NKAIN2: variants seen among roughly 807,000 people sequenced by gnomAD.
The protein encoded by NKAIN2 is sodium/potassium-transporting ATPase subunit beta-1-interacting protein 2.
Under a neutral mutation model 32.6 loss-of-function variants are expected in NKAIN2, and 14 were observed. The observed-to-expected ratio is 0.43, with a 90% confidence interval of 0.28 to 0.67. The LOEUF (loss-of-function observed/expected upper bound fraction) is 0.67, where lower values mean the gene tolerates loss of function less well. Ranked by LOEUF, NKAIN2 falls within the 30% of genes least tolerant of loss-of-function variation. The pLI is 0.17. For missense variants in NKAIN2, 198 were observed against 258.3 expected, an observed-to-expected ratio of 0.77 and a Z score of 1.60; for synonymous variants, 80 against 87.2, an observed-to-expected ratio of 0.92 and a Z score of 0.46.
At chr6:124,276,223 A>G (rs1040336867) in intron 1 of NKAIN2, among the ~76,000 whole-genome samples, 44 of 151,778 alleles carry the variant, frequency 2.9e-4, no homozygotes, top group African/African-American at 9.7e-4. Context: ...GACAATTCTT[A>G]GTTCTACTAA....
chr6:124,761,176 C>T (rs1778246307), intron 4 of NKAIN2, among the ~76,000 whole-genome samples: 1 of 152,012 alleles, frequency 6.6e-6, no homozygotes, highest in Non-Finnish European at 1.5e-5. Flanking sequence ...TTATAGTAAC[C>T]AACTTTCAAA....
chr6:124,386,342 T>C (rs1772900937), intron 3 of NKAIN2, among the ~76,000 whole-genome samples: 2 of 152,142 alleles, frequency 1.3e-5, no homozygotes, highest in South Asian at 4.1e-4. Context: ...AACAAAATGC[T>C]TGAGCATCCC....
At chr6:123,908,783 T>C (rs138840224) in intron 1 of NKAIN2, among the ~76,000 whole-genome samples, 1 of 152,314 alleles carries the variant, frequency 6.6e-6, no homozygotes, top group East Asian at 1.9e-4. Context: ...GAAAAAATAA[T>C]CTTGGTTTGG....
At chr6:124,026,457 T>C (rs1351684009) in intron 1 of NKAIN2, among the ~76,000 whole-genome samples, 2 of 152,322 alleles carry the variant, frequency 1.3e-5, no homozygotes, top group Non-Finnish European at 2.9e-5. Flanking sequence ...TTTCCTTTTA[T>C]CATCAGTAAG....
intron 1 of NKAIN2, among the ~76,000 whole-genome samples, chr6:124,187,097 A>C (rs1011665779): frequency 4.6e-5 from 7 of 152,172 alleles, no homozygotes; most frequent in African/African-American, 1.7e-4. Context: ...GATGACTATA[A>C]AAATTTTAAG....
chr6:124,570,867 T>C lies in NKAIN2; in HGVS notation c.274-87319T>C, dbSNP rs369160751. ...GTAGCTCCACTGGCAGCTTGCATCA[T>C]GCTCCTGGAAAAGCTGCAGACACTC... On this transcript the variant is annotated intron_variant, in intron 3 of 6. Coordinates refer to ENST00000368417, the MANE Select transcript of NKAIN2 (RefSeq NM_001040214.3). Among the ~76,000 whole-genome samples the C allele has an allele frequency of 1.4e-4, 21 of 152,264 alleles. No individual in the cohort carries two copies. In the East Asian group the frequency reaches 2.7e-3, roughly 20 times the overall value.
intron 3 of NKAIN2, among the ~76,000 whole-genome samples, chr6:124,657,265 G>C (rs1784573641): frequency 6.6e-6 from 1 of 152,228 alleles, no homozygotes; most frequent in Non-Finnish European, 1.5e-5. Flanking sequence ...AACTGATAGA[G>C]TGCAATTTCC....
intron 5 of NKAIN2, among the ~76,000 whole-genome samples, chr6:124,808,370 C>A (rs1780700794): frequency 6.6e-6 from 1 of 152,076 alleles, no homozygotes; most frequent in Non-Finnish European, 1.5e-5. Flanking sequence ...ATAAACAGAC[C>A]AAAGACAAAA....
chr6:124,074,305 C>T (rs904422646), intron 1 of NKAIN2, among the ~76,000 whole-genome samples: 4 of 152,040 alleles, frequency 2.6e-5, no homozygotes, highest in African/African-American at 9.7e-5. Flanking sequence ...AGCAGGTGTT[C>T]AGCATATATT....
At chr6:123,875,597 TA>T (rs1331254993) in intron 1 of NKAIN2, among the ~76,000 whole-genome samples, 2 of 152,040 alleles carry the variant, frequency 1.3e-5, no homozygotes, top group Non-Finnish European at 2.9e-5. Flanking sequence ...GGACTTTTCT[TA>T]AATTTTTTAC....
chr6:124,628,728 C>T (rs549088438), intron 3 of NKAIN2, among the ~76,000 whole-genome samples: 1 of 152,186 alleles, frequency 6.6e-6, no homozygotes, highest in South Asian at 2.1e-4. Flanking sequence ...TTACAGATTT[C>T]TCTCCAGTTC....
At chr6:124,452,428 T>C (rs62437470) in intron 3 of NKAIN2, among the ~76,000 whole-genome samples, 10,800 of 152,052 alleles carry the variant, frequency 0.071, 491 homozygotes, top group African/African-American at 0.097. Context: ...TTATTGACTT[T>C]TCTGTTTTTA....
intron 1 of NKAIN2, among the ~76,000 whole-genome samples, chr6:123,932,359 A>G (rs1440958848): frequency 6.7e-6 from 1 of 149,212 alleles, no homozygotes; most frequent in Non-Finnish European, 1.5e-5. Context: ...TGTTCCATTT[A>G]CAAATCAACA....
chr6:124,727,394 G>A (rs910852405), intron 4 of NKAIN2, among the ~76,000 whole-genome samples: 8 of 151,806 alleles, frequency 5.3e-5, no homozygotes, highest in African/African-American at 1.9e-4. Context: ...GAGAGTGGGG[G>A]CCAATATTCA....
chr6:124,338,134 T>C (rs1797959468), intron 2 of NKAIN2, among the ~76,000 whole-genome samples: 1 of 152,134 alleles, frequency 6.6e-6, no homozygotes, highest in African/African-American at 2.4e-5. Context: ...TTAATAAGAA[T>C]CACAGATGCC....
At chr6:123,913,618 T>C (rs1775333243) in intron 1 of NKAIN2, among the ~76,000 whole-genome samples, 2 of 152,176 alleles carry the variant, frequency 1.3e-5, no homozygotes, top group African/African-American at 4.8e-5. Flanking sequence ...AGATGTTAAT[T>C]ACATATTTTG....
At position 124,271,104 on chromosome 6, in the gene NKAIN2, T is replaced by A. The variant is rs565697368; in HGVS notation, c.55-11901T>A. Reference sequence around the variant, plus strand: ...TTATAAGTGGCAGTTTTTTTCTTTCTCTCTCTCTCCTGCCTCCATGTAAAA... The same window carrying A: ...TTATAAGTGGCAGTTTTTTTCTTTCACTCTCTCTCCTGCCTCCATGTAAAA... On this transcript the variant is annotated intron_variant, in intron 1 of 6. Transcript: ENST00000368417. Among the ~76,000 whole-genome samples, 83 of 152,152 alleles carry A rather than the reference T, an allele frequency of 5.5e-4. 1 individual carries two copies. The highest frequency in any genetic ancestry group is 7.2e-4 in the Admixed American group (11 of 15,278).
chr6:124,613,514 T>C (rs1355847709), intron 3 of NKAIN2, among the ~76,000 whole-genome samples: 2 of 152,220 alleles, frequency 1.3e-5, no homozygotes, highest in Admixed American at 1.3e-4. Context: ...GTGTGACTAT[T>C]CTAATCTAGA....
chr6:123,922,439 T>C (rs1423493814), intron 1 of NKAIN2, among the ~76,000 whole-genome samples: 5 of 152,216 alleles, frequency 3.3e-5, no homozygotes, highest in African/African-American at 1.2e-4. Flanking sequence ...TATTTATTCT[T>C]ATAGAAATCT....
Sources: allele counts gnomAD v4.1 joint callset (sites outside exome capture counted in the v4.1 genomes callset), GRCh38; gene constraint gnomAD v4.1.1; transcripts MANE v1.5; gene names NCBI Gene and HGNC (gene_info 2026-07-23, HGNC 2026-07-21).